Variants in EYS observed in about 807,000 individuals in gnomAD.
EYS encodes the protein EGF-like photoreceptor maintenance factor.
In EYS, 250 loss-of-function variants were observed where a neutral mutation model predicts 282.1. The observed-to-expected ratio is 0.89, with a 90% CI of 0.80 to 0.98. The LOEUF (loss-of-function observed/expected upper bound fraction) is 0.98. Among genes scored for constraint, EYS ranks in the 50% least tolerant of loss-of-function variants. The pLI, the probability that EYS is intolerant of heterozygous loss-of-function variation, is 0.00. For synonymous variants in EYS, 1,355 were observed against 1,282.9 expected (o/e 1.06, Z -1.20); for missense variants, 4,016 against 3,709.0 (o/e 1.08, Z -2.15).
At chr6:63,844,248 T>C (rs530066419) in intron 36 of EYS, among the ~76,000 whole-genome samples, 134 of 152,336 alleles carry the variant, frequency 8.8e-4, no homozygotes, top group African/African-American at 3.0e-3. Context: ...CTCTATGCAG[T>C]CTATCATTGA....
chr6:65,690,677 T>A (rs1404348195), intron 1 of EYS, among the ~76,000 whole-genome samples: 2 of 149,160 alleles, frequency 1.3e-5, no homozygotes, highest in Non-Finnish European at 3.0e-5. Flanking sequence ...GGGGTCTGCC[T>A]ACATCAACCC....
At chr6:65,705,782 C>T (rs1022458521) in intron 1 of EYS, among the ~76,000 whole-genome samples, 2 of 151,906 alleles carry the variant, frequency 1.3e-5, no homozygotes, top group Non-Finnish European at 2.9e-5. Flanking sequence ...ATGTTGCAAA[C>T]ATTTTTGTTT....
intron 36 of EYS, among the ~76,000 whole-genome samples, chr6:63,836,644 C>T (rs1453858960): frequency 6.6e-6 from 1 of 151,856 alleles, no homozygotes; most frequent in Non-Finnish European, 1.5e-5. Flanking sequence ...AACTAAGGAA[C>T]ATTTATAAAA....
At chr6:64,648,953 T>C (rs1239490580) in intron 22 of EYS, among the ~76,000 whole-genome samples, 1 of 152,220 alleles carries the variant, frequency 6.6e-6, no homozygotes, top group Non-Finnish European at 1.5e-5. Flanking sequence ...AGGCTCTGAA[T>C]GTCTGCACAT....
At chr6:64,870,408 AC>A (rs1450309218) in intron 19 of EYS, among the ~76,000 whole-genome samples, 1 of 118,480 alleles carries the variant, frequency 8.4e-6, no homozygotes, top group Non-Finnish European at 1.8e-5. Context: ...AAAAACAATT[AC>A]CCCCCTCCTC....
At chr6:64,313,051 A>G (rs1769787650) in intron 29 of EYS, among the ~76,000 whole-genome samples, 1 of 152,258 alleles carries the variant, frequency 6.6e-6, no homozygotes, top group African/African-American at 2.4e-5. Flanking sequence ...TGGAAGAAGT[A>G]GGCTTCAGAA....
intron 41 of EYS, among the ~76,000 whole-genome samples, chr6:63,761,048 T>A (rs1470302323): frequency 9.3e-6 from 1 of 107,182 alleles, no homozygotes; most frequent in Non-Finnish European, 1.9e-5. Flanking sequence ...ATTTAACCGA[T>A]TTTTTTTTTT....
At chr6:65,630,020 C>A (rs917113272) in intron 2 of EYS, among the ~76,000 whole-genome samples, 1 of 152,166 alleles carries the variant, frequency 6.6e-6, no homozygotes, top group Non-Finnish European at 1.5e-5. Context: ...TGATGGAGAA[C>A]AAGGTACAGA....
chr6:65,073,362 A>G (rs889673987), intron 12 of EYS, among the ~76,000 whole-genome samples: 4 of 151,864 alleles, frequency 2.6e-5, no homozygotes, highest in Non-Finnish European at 4.4e-5. Context: ...ACCTATGATC[A>G]TGAACACCCA....
chr6:64,452,637 C>T (rs916491954), intron 26 of EYS, among the ~76,000 whole-genome samples: 2 of 152,154 alleles, frequency 1.3e-5, no homozygotes, highest in African/African-American at 4.8e-5. Flanking sequence ...ACCAAAACAG[C>T]ATGGTACTGG....
Position 64,902,476 on chromosome 6 carries a change from A to G in EYS, c.2666T>C (p.Ile889Thr). The part of the protein sequence containing the change: ...REEFEGKNCE[I>T]DVKDCLFLSC... ...AAGGAAGAGGCAGTCTTTCACATCA[A>G]TTTCACAGTTTTTACCTTCAAATTC... is the stretch of plus-strand genomic sequence containing the variant. The change falls in exon 17 of 43, where the codon ATT (isoleucine) becomes ACT (threonine). Residue 889 changes from isoleucine to threonine, a missense_variant. Ile to Thr is a moderately conservative substitution (Grantham distance 89). Transcript: ENST00000503581. The G allele has an allele frequency of 6.5e-7, 1 of 1,536,382 alleles. No homozygotes were observed. The highest frequency in any genetic ancestry group is 8.7e-7 in the Non-Finnish European group (1 of 1,142,896).
At chr6:63,929,724 T>G (rs1443855369) in intron 35 of EYS, among the ~76,000 whole-genome samples, 2 of 152,212 alleles carry the variant, frequency 1.3e-5, no homozygotes, top group Non-Finnish European at 2.9e-5. Flanking sequence ...AGACTCATAA[T>G]GAAACATAGC....
intron 33 of EYS, among the ~76,000 whole-genome samples, chr6:64,031,994 C>T (rs780064808): frequency 2.0e-5 from 3 of 152,134 alleles, no homozygotes; most frequent in Non-Finnish European, 4.4e-5. Flanking sequence ...CTGCTGCTCT[C>T]TCTTTGGGTC....
intron 30 of EYS, among the ~76,000 whole-genome samples, chr6:64,285,119 T>A (rs190930066): frequency 6.6e-6 from 1 of 152,348 alleles, no homozygotes; most frequent in East Asian, 1.9e-4. Context: ...GTGCAAAGTT[T>A]GTGAACTTTT....
rs79619814 is a variant in EYS at position 65,346,432 on chromosome 6, G to A, written c.1460-2255C>T. 5.0e-3 allele frequency among the ~76,000 whole-genome samples: 736 copies of A among 146,508 alleles called. 19 individuals are homozygous for A. The highest frequency in any genetic ancestry group is 0.043 in the East Asian group (215 of 5,018). On this transcript the variant is annotated intron_variant, in intron 9 of 42. Transcript: ENST00000503581. Reference sequence around the variant, plus strand: ...AAAAAAAAAACAAAAAACAATGTCCGAAGTGTGTATAATTTAAAGGATGGA... The same window carrying A: ...AAAAAAAAAACAAAAAACAATGTCCAAAGTGTGTATAATTTAAAGGATGGA...
chr6:64,462,663 C>T (rs1202212677), intron 26 of EYS, among the ~76,000 whole-genome samples: 4 of 151,976 alleles, frequency 2.6e-5, no homozygotes, highest in Non-Finnish European at 4.4e-5. Flanking sequence ...TCAGATCTCC[C>T]AAGTCTGTTA....
chr6:64,457,867 A>G (rs1321231048), intron 26 of EYS, among the ~76,000 whole-genome samples: 1 of 151,936 alleles, frequency 6.6e-6, no homozygotes, highest in African/African-American at 2.4e-5. Context: ...CTACTGATAG[A>G]TAAGGACTTA....
chr6:64,418,276 G>A (rs1248953564), intron 28 of EYS, among the ~76,000 whole-genome samples: 1 of 152,138 alleles, frequency 6.6e-6, no homozygotes. Context: ...AGTTCTTCAT[G>A]ATTGAATACA....
At chr6:63,871,610 C>A (rs1393126467) in intron 35 of EYS, among the ~76,000 whole-genome samples, 1 of 151,818 alleles carries the variant, frequency 6.6e-6, no homozygotes, top group Non-Finnish European at 1.5e-5. Context: ...TTCAGTGAGC[C>A]GAGATCATGC....
Sources: gnomAD v4.1 joint callset for allele counts (sites outside exome capture counted in the v4.1 genomes callset) on GRCh38, gnomAD v4.1.1 for gene constraint, MANE v1.5 for transcripts, NCBI Gene and HGNC (gene_info 2026-07-23, HGNC 2026-07-21) for gene names.